SHROOM2: variants seen among roughly 807,000 people sequenced by gnomAD.
The protein encoded by SHROOM2 is protein Shroom2.
A neutral mutation model predicts 75.9 loss-of-function variants in SHROOM2; 33 were observed. The observed-to-expected ratio is 0.43, with a 90% confidence interval of 0.33 to 0.58. SHROOM2 has a LOEUF of 0.58. Ranked by LOEUF, SHROOM2 falls within the 20% of genes least tolerant of loss-of-function variation. The pLI, the probability that SHROOM2 is intolerant of heterozygous loss-of-function variation, is 0.04. For synonymous variants in SHROOM2, 655 were observed against 663.6 expected (o/e 0.99, Z 0.20); for missense variants, 1,434 against 1,461.2 (o/e 0.98, Z 0.30).
At chrX:9,908,313 G>A in intron 5 of SHROOM2, among the ~76,000 whole-genome samples, 1 of 112,021 alleles carries the variant, frequency 8.9e-6, no homozygotes. Context: ...ACTCAGAAAA[G>A]TTCAAGGTTT....
At chrX:9,929,154 G>A (rs1439234293) in intron 5 of SHROOM2, among the ~76,000 whole-genome samples, 2 of 112,185 alleles carry the variant, frequency 1.8e-5, no homozygotes, top group Non-Finnish European at 3.8e-5. Flanking sequence ...TATGACCCCA[G>A]CAAGTCCCCA....
intron 2 of SHROOM2, among the ~76,000 whole-genome samples, chrX:9,882,850 T>C (rs2084239672): frequency 1.8e-5 from 2 of 111,991 alleles, no homozygotes; most frequent in African/African-American, 6.5e-5. Flanking sequence ...CATTTGGGAA[T>C]TTTTATCTTG....
intron 1 of SHROOM2, among the ~76,000 whole-genome samples, chrX:9,813,203 G>A (rs750728699): frequency 6.3e-5 from 7 of 111,619 alleles, no homozygotes; most frequent in Admixed American, 1.9e-4. Context: ...AGTAGCCCTC[G>A]CCCTACCAGT....
intron 1 of SHROOM2, among the ~76,000 whole-genome samples, chrX:9,855,787 C>G (rs1453218907): frequency 9.0e-6 from 1 of 111,408 alleles, no homozygotes; most frequent in African/African-American, 3.3e-5. Flanking sequence ...TCTTGCCCAC[C>G]ACGAACTAGG....
chrX:9,925,158 G>A (rs1449166859), intron 5 of SHROOM2, among the ~76,000 whole-genome samples: 1 of 112,078 alleles, frequency 8.9e-6, no homozygotes, highest in Non-Finnish European at 1.9e-5. Context: ...TGGCAAAAGA[G>A]CTTTCCACCT....
At chrX:9,868,835 C>T (rs759445257) in intron 1 of SHROOM2, among the ~76,000 whole-genome samples, 196 of 105,810 alleles carry the variant, frequency 1.9e-3, no homozygotes, top group African/African-American at 6.6e-3. Context: ...CCACATTGGC[C>T]TCCCAAAGTG....
In SHROOM2 at chrX:9,903,510, C is replaced by T. The variant is rs752670243; in HGVS notation, c.2891+5220C>T. On this transcript the variant is annotated intron_variant, in intron 5 of 9. Coordinates refer to ENST00000380913, the MANE Select transcript of SHROOM2 (RefSeq NM_001649.4). ...AACGGTAGCTGTAGGAGAGAGCCTG[C>T]GGCATGGGTCTAGCGGACTTCCCTT... 8.9e-5 allele frequency among the ~76,000 whole-genome samples: 10 copies of T among 111,839 alleles called. No homozygotes were observed. In the East Asian group the frequency reaches 2.0e-3, roughly 22 times the overall value.
At chrX:9,942,825 C>T (rs1271043831) in intron 8 of SHROOM2, among the ~76,000 whole-genome samples, 2 of 111,262 alleles carry the variant, frequency 1.8e-5, no homozygotes, top group Non-Finnish European at 3.8e-5. Flanking sequence ...CCAGTCCTAA[C>T]AGACCGAGGA....
intron 1 of SHROOM2, among the ~76,000 whole-genome samples, chrX:9,797,025 T>C (rs1032988454): frequency 1.8e-5 from 2 of 111,986 alleles, no homozygotes; most frequent in African/African-American, 6.5e-5. Flanking sequence ...GTGACAAGAC[T>C]CTATTTCTTC....
chrX:9,792,011 G>A (rs2083653878), intron 1 of SHROOM2, among the ~76,000 whole-genome samples: 2 of 20 alleles, frequency 0.1, no homozygotes, highest in Admixed American at 0.25. Context: ...GAATAGAATA[G>A]AATAGAATAG....
chrX:9,808,210 G>C (rs761804364), intron 1 of SHROOM2, among the ~76,000 whole-genome samples: 1 of 110,778 alleles, frequency 9.0e-6, no homozygotes, highest in Non-Finnish European at 1.9e-5. Flanking sequence ...GGGGGTGGTC[G>C]GGGAGGCTGA....
At chrX:9,876,925 G>A (rs771183440) in intron 2 of SHROOM2, among the ~76,000 whole-genome samples, 19 of 112,472 alleles carry the variant, frequency 1.7e-4, no homozygotes, top group Non-Finnish European at 3.6e-4. Flanking sequence ...CAAAGTGCTG[G>A]AATTACAGGC....
intron 5 of SHROOM2, among the ~76,000 whole-genome samples, chrX:9,910,219 A>G (rs192827880): frequency 9.0e-6 from 1 of 110,882 alleles, no homozygotes; most frequent in East Asian, 2.8e-4. Flanking sequence ...ACAGAAGGAG[A>G]ACATTGATTA....
intron 5 of SHROOM2, among the ~76,000 whole-genome samples, chrX:9,899,966 T>A (rs2084356984): frequency 9.0e-6 from 1 of 111,020 alleles, no homozygotes; most frequent in Non-Finnish European, 1.9e-5. Context: ...CTGGTGAGAG[T>A]GTATAGCTCT....
chrX:9,913,448 C>G (rs925433416), intron 5 of SHROOM2, among the ~76,000 whole-genome samples: 1 of 112,344 alleles, frequency 8.9e-6, no homozygotes, highest in Non-Finnish European at 1.9e-5. Flanking sequence ...TATACATGTG[C>G]TTTTTCCCCC....
chrX:9,793,658 C>A lies in SHROOM2; in HGVS notation c.165+6948C>A, dbSNP rs767105328. On this transcript the variant is annotated intron_variant, in intron 1 of 9. Transcript: ENST00000380913. ...TACTCAGGCACAATTCTTGGCCCTTCATACCCCTAATGTGATTACATCATA... is the reference window on the plus strand; with the variant it reads ...TACTCAGGCACAATTCTTGGCCCTTAATACCCCTAATGTGATTACATCATA... 2.7e-5 allele frequency among the ~76,000 whole-genome samples: 3 copies of A among 111,150 alleles called. No homozygotes were observed. The South Asian group carries it at 1.1e-3, about 42-fold the overall frequency.
intron 8 of SHROOM2, among the ~76,000 whole-genome samples, chrX:9,943,550 G>A (rs142257667): frequency 1.1e-4 from 12 of 111,805 alleles, no homozygotes; most frequent in African/African-American, 3.6e-4. Context: ...GTGGGAAAGG[G>A]CATAGAGTGT....
chrX:9,819,041 C>A (rs756877825), intron 1 of SHROOM2: 2 of 1,115,889 alleles, frequency 1.8e-6, no homozygotes, highest in Non-Finnish European at 2.5e-6. Context: ...CCTTTTCTTT[C>A]TTTCCTGTAC....
In SHROOM2 at chrX:9,896,582, T is replaced by G; in HGVS notation, c.2674T>G (p.Ser892Ala). 1 of 1,210,359 alleles carries G rather than the reference T, an allele frequency of 8.3e-7. No individual in the cohort carries two copies. Among genetic ancestry groups the G allele is most frequent in the African/African-American group, 1.7e-5 (1 of 57,960 alleles). ...GAGGAAACCTCTGGAGGCCAGGAGC[T>G]CTGGGCGCTGCCACTCAGCGGATGA... The part of the protein sequence containing the change: ...EQRKPLEARS[S>A]GRCHSADDIL... The change falls in exon 4 of 10, where the codon TCT becomes GCT. Residue 892 changes from serine to alanine, a missense_variant. Physicochemically the swap from Ser to Ala is moderately conservative, Grantham distance 99. Coordinates refer to ENST00000380913, the MANE Select transcript of SHROOM2 (RefSeq NM_001649.4).
Sources: gnomAD v4.1 joint callset for allele counts (sites outside exome capture counted in the v4.1 genomes callset) on GRCh38, gnomAD v4.1.1 for gene constraint, MANE v1.5 for transcripts, NCBI Gene and HGNC (gene_info 2026-07-23, HGNC 2026-07-21) for gene names.